The following LAMA3 variants were observed in gnomAD, a reference collection of about 807,000 sequenced individuals.
LAMA3 encodes the protein laminin subunit alpha-3.
Under a neutral mutation model 402.0 loss-of-function variants are expected in LAMA3, and 281 were observed. The ratio of observed to expected loss-of-function variants is 0.70; its 90% CI spans 0.63 to 0.77. LAMA3 has a LOEUF of 0.77. LAMA3 is among the 30% of genes least tolerant of loss of function. The pLI is 0.00. For synonymous variants in LAMA3, 1,431 were observed against 1,558.4 expected (o/e 0.92, Z 1.93); for missense variants, 3,840 against 4,215.5 (o/e 0.91, Z 2.47).
At chr18:23,830,859 C>T (rs1417448466) in intron 23 of LAMA3, among the ~76,000 whole-genome samples, 2 of 152,156 alleles carry the variant, frequency 1.3e-5, no homozygotes, top group Admixed American at 6.5e-5. Context: ...CATACCTCTG[C>T]TTTTATATGC....
chr18:23,838,190 G>C (rs551507038), intron 25 of LAMA3, among the ~76,000 whole-genome samples: 9 of 152,284 alleles, frequency 5.9e-5, no homozygotes, highest in African/African-American at 2.2e-4. Flanking sequence ...TTACTGAATA[G>C]CTTTGCAATC....
At chr18:23,877,847 C>T (rs756329497) in intron 39 of LAMA3, among the ~76,000 whole-genome samples, 4 of 152,158 alleles carry the variant, frequency 2.6e-5, no homozygotes, top group South Asian at 2.1e-4. Flanking sequence ...CACGGTGGCT[C>T]ATGCCTGTAA....
At position 23,908,142 on chromosome 18, in the gene LAMA3, A is replaced by G. The variant is rs12970745; in HGVS notation, c.7015+207A>G. Among the ~76,000 whole-genome samples, 72,051 of 152,052 alleles carry G rather than the reference A, an allele frequency of 0.47. 19,202 individuals carry two copies. Among genetic ancestry groups the G allele is most frequent in the Non-Finnish European group, 0.61 (41,805 of 67,980 alleles). On this transcript the variant is annotated intron_variant, in intron 54 of 74. Transcript: ENST00000313654. ...AGGATTTTTAATTTTTAGAAAATAC[A>G]TTGAAAATGCTATTGGTTTGCTTTT... is the stretch of plus-strand genomic sequence containing the variant.
At chr18:23,824,794 G>GA (rs2144430724) in intron 21 of LAMA3, among the ~76,000 whole-genome samples, 1 of 151,794 alleles carries the variant, frequency 6.6e-6, no homozygotes, top group East Asian at 1.9e-4. Context: ...GCTTCTCTTG[G>GA]ACAAAAAAAA....
chr18:23,784,477 G>T (rs1295004145), intron 12 of LAMA3, among the ~76,000 whole-genome samples: 1 of 152,192 alleles, frequency 6.6e-6, no homozygotes, highest in Non-Finnish European at 1.5e-5. Flanking sequence ...TCCTGTTGGG[G>T]CGGGTCTCCA....
intron 65 of LAMA3, chr18:23,931,413 TAAG>T: frequency 1.8e-6 from 1 of 553,216 alleles, no homozygotes; most frequent in Non-Finnish European, 3.2e-6. Flanking sequence ...TCCCAACAAC[TAAG>T]AAGGCTGAGG....
chr18:23,875,512 T>A (rs2064679911), intron 38 of LAMA3, among the ~76,000 whole-genome samples: 1 of 152,116 alleles, frequency 6.6e-6, no homozygotes, highest in Admixed American at 6.5e-5. Flanking sequence ...GGACCAGATG[T>A]TCGTGAACAG....
intron 74 of LAMA3, among the ~76,000 whole-genome samples, chr18:23,953,693 C>T (rs904849847): frequency 1.3e-5 from 2 of 152,126 alleles, no homozygotes; most frequent in African/African-American, 4.8e-5. Context: ...AACCTAGAAG[C>T]CTGATACCAG....
intron 2 of LAMA3, among the ~76,000 whole-genome samples, chr18:23,720,049 G>A (rs1286581584): frequency 6.6e-6 from 1 of 152,190 alleles, no homozygotes; most frequent in Non-Finnish European, 1.5e-5. Context: ...ATCTTGCACA[G>A]TGTTTAGCAT....
chr18:23,780,172 G>T (rs2062406913), intron 11 of LAMA3, among the ~76,000 whole-genome samples: 1 of 152,198 alleles, frequency 6.6e-6, no homozygotes, highest in Non-Finnish European at 1.5e-5. Flanking sequence ...TTAAGTGCCT[G>T]TGCTGTGCTA....
rs9950679 is a variant in LAMA3 at position 23,814,751 on chromosome 18, T to G, written c.1888+249T>G. 0.17 allele frequency among the ~76,000 whole-genome samples: 25,719 copies of G among 152,170 alleles called. 3,246 individuals carry two copies. The highest frequency in any genetic ancestry group is 0.58 in the East Asian group (3,017 of 5,174). ...AGAAGGCAGCTACTTGATAAATGGT[T>G]TTTATGTCCTTGTTTTTATAATTTA... On this transcript the variant is annotated intron_variant, in intron 15 of 74. Coordinates refer to ENST00000313654, the MANE Select transcript of LAMA3 (RefSeq NM_198129.4).
chr18:23,926,255 G>T (rs1258112), intron 62 of LAMA3, among the ~76,000 whole-genome samples: 107,624 of 152,128 alleles, frequency 0.71, 41,394 homozygotes, highest in Non-Finnish European at 0.88. Flanking sequence ...AAAATAGGTG[G>T]TCTGTATCTG....
chr18:23,720,249 GTC>G (rs2061185670), intron 2 of LAMA3, among the ~76,000 whole-genome samples: 1 of 152,114 alleles, frequency 6.6e-6, no homozygotes, highest in African/African-American at 2.4e-5. Flanking sequence ...TGACACTTGA[GTC>G]TCTCTGCAAC....
At chr18:23,889,805 A>G (rs1272449886) in intron 41 of LAMA3, among the ~76,000 whole-genome samples, 11 of 152,172 alleles carry the variant, frequency 7.2e-5, no homozygotes, top group South Asian at 4.1e-4. Flanking sequence ...TGGAAATTAC[A>G]TGGATCTTAC....
At chr18:23,697,007 T>G (rs1001065121) in intron 1 of LAMA3, among the ~76,000 whole-genome samples, 6 of 152,214 alleles carry the variant, frequency 3.9e-5, no homozygotes, top group Non-Finnish European at 8.8e-5. Flanking sequence ...ACAGTAGAAC[T>G]GCCTGACTAA....
rs373471758 is a variant in LAMA3 at position 23,810,355 on chromosome 18, C to A, written c.1604-11C>A. ...ACCCCCGCCTAAGTCTGATTGAATTCTTTCATCCAGCCTGCTGGTGTTCAG... is the reference window on the plus strand; with the variant it reads ...ACCCCCGCCTAAGTCTGATTGAATTATTTCATCCAGCCTGCTGGTGTTCAG... On this transcript the variant is annotated splice_polypyrimidine_tract_variant and intron_variant, in intron 12 of 74. Coordinates refer to ENST00000313654, the MANE Select transcript of LAMA3 (RefSeq NM_198129.4). 2.0e-5 allele frequency: 32 copies of A among 1,613,970 alleles called. No individual in the cohort carries two copies. The highest frequency in any genetic ancestry group is 4.4e-5 in the South Asian group (4 of 91,080).
intron 7 of LAMA3, among the ~76,000 whole-genome samples, chr18:23,761,379 T>C (rs910332383): frequency 6.6e-6 from 1 of 152,192 alleles, no homozygotes; most frequent in Admixed American, 6.5e-5. Context: ...ACGATTACCA[T>C]ATAGTGTTGA....
intron 12 of LAMA3, among the ~76,000 whole-genome samples, chr18:23,795,168 A>G (rs115761393): frequency 5.2e-4 from 79 of 152,372 alleles, no homozygotes; most frequent in African/African-American, 1.9e-3. Context: ...TAATTGTTTT[A>G]AATTTAGTTA....
At position 23,858,815 on chromosome 18, in the gene LAMA3, A is replaced by G. The variant is rs2144721141; in HGVS notation, c.4408A>G (p.Lys1470Glu). 3.1e-6 allele frequency: 5 copies of G among 1,614,206 alleles called. No homozygotes were observed. The highest frequency in any genetic ancestry group is 2.2e-5 in the East Asian group (1 of 44,886). Residue 1470 changes from lysine (K) to glutamate (E), a missense_variant, in exon 34 of 75, where the codon AAG (lysine) becomes GAG (glutamate). By Grantham distance (56) the Lys-to-Glu change is moderately conservative. Around this residue, in one of 3 missense-constraint regions of LAMA3, gnomAD observed 2,109 missense variants for 2,376.0 expected, o/e 0.89. Transcript: ENST00000313654. ...GVNNQCHSSH[K>E]RRTKFVDMLG... ...AAATAATCAATGTCACAGCTCACAT[A>G]AGCGAAGGACTAAGGTATGCATTGA...
Sources: allele counts gnomAD v4.1 joint callset (sites outside exome capture counted in the v4.1 genomes callset), GRCh38; gene constraint gnomAD v4.1.1; regional missense constraint gnomAD v4.1.1; transcripts MANE v1.5; gene names NCBI Gene and HGNC (gene_info 2026-07-23, HGNC 2026-07-21).